SMIM36: variants seen among roughly 807,000 people sequenced by gnomAD.
SMIM36 encodes small integral membrane protein 36.
At chr17:55,465,401 T>C (rs1909218386) in intron 4 of SMIM36, among the ~76,000 whole-genome samples, 1 of 152,160 alleles carries the variant, frequency 6.6e-6, no homozygotes, top group African/African-American at 2.4e-5. Context: ...GATGAGCAAT[T>C]ATCATTTACA....
intron 1 of SMIM36, among the ~76,000 whole-genome samples, chr17:55,492,409 A>AT (rs930597743): frequency 6.6e-6 from 1 of 151,104 alleles, no homozygotes; most frequent in Admixed American, 6.6e-5. Flanking sequence ...AGCCTGGCTA[A>AT]TTTTTTATAA....
In SMIM36 at chr17:55,471,507, TC is replaced by T. The variant is rs141567265; in HGVS notation, c.*348-4180del. Among the ~76,000 whole-genome samples the T allele has an allele frequency of 3.9e-3, 590 of 152,108 alleles. 2 individuals carry two copies. Among genetic ancestry groups the T allele is most frequent in the Non-Finnish European group, 4.4e-3 (298 of 67,986 alleles). Reference sequence around the variant, plus strand: ...GTTCAGTTAATCTCCCAGACCCCAATCCCCACCACCAAACAGCAACTCCTTT... The same window carrying T: ...GTTCAGTTAATCTCCCAGACCCCAATCCCACCACCAAACAGCAACTCCTTT... On this transcript the variant is annotated intron_variant, in intron 3 of 4. Coordinates refer to ENST00000636752, the Ensembl canonical transcript of SMIM36.
At chr17:55,468,744 C>CAT (rs1909289048) in intron 3 of SMIM36, among the ~76,000 whole-genome samples, 1 of 152,114 alleles carries the variant, frequency 6.6e-6, no homozygotes, top group African/African-American at 2.4e-5. Flanking sequence ...CCCTCCATTC[C>CAT]CCCTTCTTCT....
the SMIM36 span, among the ~76,000 whole-genome samples, chr17:55,521,962 C>T: frequency 1.3e-5 from 2 of 151,614 alleles, no homozygotes; most frequent in African/African-American, 2.4e-5. Context: ...CTATTTTCAA[C>T]ACAATAACCT....
At chr17:55,470,843 C>T (rs751637326) in intron 3 of SMIM36, among the ~76,000 whole-genome samples, 1 of 152,126 alleles carries the variant, frequency 6.6e-6, no homozygotes, top group East Asian at 1.9e-4. Context: ...CATCCCACAG[C>T]AGGCTTTAAA....
intron 1 of SMIM36, among the ~76,000 whole-genome samples, chr17:55,491,119 G>A (rs1909696388): frequency 1.3e-5 from 2 of 151,692 alleles, no homozygotes; most frequent in Admixed American, 6.6e-5. Context: ...TGGTGGTGCT[G>A]TAGTTTCAGC....
At chr17:55,452,299 G>C (rs1908935178) in intron 4 of SMIM36, among the ~76,000 whole-genome samples, 1 of 152,078 alleles carries the variant, frequency 6.6e-6, no homozygotes, top group African/African-American at 2.4e-5. Context: ...GCTGAATCCA[G>C]TTAAATCACC....
chr17:55,510,920 C>T, exon 1 of SMIM36: 1 of 394,900 alleles, frequency 2.5e-6, no homozygotes, highest in Non-Finnish European at 4.5e-6. Flanking sequence ...GACGAGAAAA[C>T]AGCAAGTAAG....
chr17:55,498,948 G>A (rs1402846440), intron 1 of SMIM36, among the ~76,000 whole-genome samples: 1 of 128,110 alleles, frequency 7.8e-6, no homozygotes, highest in Non-Finnish European at 1.5e-5. Flanking sequence ...GCAGTGAGCC[G>A]AGATCTGGCT....
At chr17:55,461,960 C>T (rs1164965005) in intron 4 of SMIM36, among the ~76,000 whole-genome samples, 1 of 152,192 alleles carries the variant, frequency 6.6e-6, no homozygotes, top group Non-Finnish European at 1.5e-5. Context: ...AGCCACTGAT[C>T]TGGAGTAACA....
At chr17:55,478,243 T>C (rs975113875) in intron 3 of SMIM36, among the ~76,000 whole-genome samples, 18 of 151,720 alleles carry the variant, frequency 1.2e-4, no homozygotes, top group Non-Finnish European at 8.8e-5. Context: ...TATTCCTTTT[T>C]TTTTTTTTCA....
At chr17:55,493,357 C>T (rs1598454910) in intron 1 of SMIM36, among the ~76,000 whole-genome samples, 1 of 152,172 alleles carries the variant, frequency 6.6e-6, no homozygotes, top group Non-Finnish European at 1.5e-5. Flanking sequence ...AGAATTAGAA[C>T]CCCATAACCC....
chr17:55,513,406 G>T (rs1910215443), upstream of SMIM36, among the ~76,000 whole-genome samples: 2 of 152,206 alleles, frequency 1.3e-5, no homozygotes, highest in South Asian at 4.1e-4. Flanking sequence ...TTTTGTGCTT[G>T]CAAGGACATA....
At chr17:55,501,347 T>C (rs1909960652) in intron 1 of SMIM36, among the ~76,000 whole-genome samples, 1 of 86,236 alleles carries the variant, frequency 1.2e-5, no homozygotes, top group South Asian at 3.3e-4. Context: ...TATTATATAT[T>C]ATATTTTATA....
upstream of SMIM36, among the ~76,000 whole-genome samples, chr17:55,514,549 T>C (rs747311459): frequency 6.6e-6 from 1 of 152,150 alleles, no homozygotes; most frequent in African/African-American, 2.4e-5. Flanking sequence ...TCTCATTCCC[T>C]TTTTCCCTCT....
At chr17:55,467,587 G>A (rs1218648206) in intron 3 of SMIM36, among the ~76,000 whole-genome samples, 4 of 152,058 alleles carry the variant, frequency 2.6e-5, no homozygotes, top group African/African-American at 7.3e-5. Flanking sequence ...TAGTAGAGAC[G>A]GGGTTTCACT....
At chr17:55,526,571 A>C in the SMIM36 span, among the ~76,000 whole-genome samples, 3 of 152,198 alleles carry the variant, frequency 2.0e-5, no homozygotes, top group Non-Finnish European at 4.4e-5. Flanking sequence ...CCTCCTCGCC[A>C]GCAGAGGGCA....
At chr17:55,502,071 C>T (rs1326966677) in intron 1 of SMIM36, among the ~76,000 whole-genome samples, 1 of 151,818 alleles carries the variant, frequency 6.6e-6, no homozygotes, top group African/African-American at 2.4e-5. Flanking sequence ...TCTGAGGGTC[C>T]TACGCCCACG....
At chr17:55,515,086 G>GTTTTTTTTTTTTTTTTTTTTTTTTTTT (rs1158864125), upstream of SMIM36, among the ~76,000 whole-genome samples, 1 of 54,086 alleles carries the variant, frequency 1.8e-5, no homozygotes, top group Middle Eastern at 0.013. Context: ...CTAGTCTAGT[G>GTTTTTTTTTTTTTTTTTTTTTTTTTTT]TTTTTTTTTT....
Sources: allele counts gnomAD v4.1 joint callset (sites outside exome capture counted in the v4.1 genomes callset), GRCh38; gene constraint gnomAD v4.1.1; transcripts MANE v1.5; gene names NCBI Gene and HGNC (gene_info 2026-07-23, HGNC 2026-07-21).